The following PHF23 variants were observed in gnomAD, a reference collection of about 807,000 sequenced individuals.
The protein encoded by PHF23 is PDH-containing protein JUNE-1.
A neutral mutation model predicts 36.0 loss-of-function variants in PHF23; 3 were observed. That is an observed-to-expected ratio of 0.08 (90% CI 0.04 to 0.22). The LOEUF is 0.22. Among genes scored for constraint, PHF23 ranks in the 10% least tolerant of loss-of-function variants. The pLI is 1.00. For synonymous variants in PHF23, 242 were observed against 192.5 expected (o/e 1.26, Z -2.13); for missense variants, 475 against 513.6 (o/e 0.92, Z 0.73).
rs559742158 is a variant in PHF23, at chr17:7,238,739, G to A, written c.34+507C>T. On this transcript the variant is annotated intron_variant, in intron 1 of 4. Coordinates refer to ENST00000320316, the MANE Select transcript of PHF23 (RefSeq NM_024297.3). ...ACCCCCCGGTACAGGTCCGTCTGCC[G>A]TAGACAATACCCAGACCCCCTCTTC... is the stretch of plus-strand genomic sequence containing the variant. The A allele has an allele frequency of 2.6e-5, 39 of 1,514,496 alleles. No individual in the cohort carries two copies. In the African/African-American group the frequency reaches 4.6e-4, roughly 18 times the overall value. The allele number at this position is 1,514,496 out of a possible 1,614,324, so 93.8% of individuals were successfully genotyped here.
At position 7,238,781 on chromosome 17, in the gene PHF23, C is replaced by T. The variant is rs760062005; in HGVS notation, c.34+465G>A. ...CCCCTCTTCTCCCCACAACTACCTG[C>T]CCACCTCTCCGACAATCACCGGGCA... is the stretch of plus-strand genomic sequence containing the variant. On this transcript the variant is annotated intron_variant, in intron 1 of 4. Transcript: ENST00000320316. The T allele has an allele frequency of 2.0e-6, 3 of 1,534,634 alleles. No individual in the cohort carries two copies. In the African/African-American group the frequency reaches 4.1e-5, roughly 21 times the overall value.
Position 7,236,136 on chromosome 17 carries a change from G to C in PHF23, c.791C>G (p.Thr264Arg). 3 of 1,610,852 alleles carry C rather than the reference G, an allele frequency of 1.9e-6. No individual in the cohort carries two copies. Among genetic ancestry groups the C allele is most frequent in the East Asian group, 2.2e-5 (1 of 44,862 alleles). ...EEEEEEEEMA[T>R]VVGGEAPVPV... ...GACTGGGGCTTCACCCCCTACCACT[G>C]TTGCCATCTCTTCTTCTTCTTCCTC... The change falls in exon 4 of 5, where the codon ACA (threonine) becomes AGA (arginine). Residue 264 changes from threonine (T) to arginine (R), a missense_variant. Around this residue, in one of 5 missense-constraint regions of PHF23, gnomAD observed 350 missense variants for 319.8 expected, o/e 1.09. Transcript: ENST00000320316. This position sits in a 1 kb window ranked among gnomAD's most constrained non-coding sequence, Gnocchi z 5.1.
upstream of PHF23, chr17:7,239,476 C>G (rs2071749398): frequency 2.1e-6 from 1 of 473,708 alleles, no homozygotes. Context: ...GGGCCCCCTC[C>G]CCCCGCGCCG....
Position 7,236,545 on chromosome 17 carries a change from G to A in PHF23, c.382C>T (p.Leu128Phe), listed in dbSNP as rs2071674252. The change falls in exon 4 of 5, where the codon CTT (leucine) becomes TTT (phenylalanine). Residue 128 changes from leucine (L) to phenylalanine (F), a missense_variant. Transcript: ENST00000320316. The surrounding 1 kb of genome is among the most constrained non-coding windows in gnomAD (Gnocchi z 5.1). The part of the protein sequence containing the change: ...RLQAPDSATL[L>F]EKMKLKDSLF... The stretch of plus-strand genomic sequence containing the variant: ...GAGTCCTTGAGCTTCATCTTCTCAA[G>A]CAAGGTAGCACTGTCGGGGGCCTGC... 1 of 1,614,182 alleles carries A rather than the reference G, an allele frequency of 6.2e-7. No individual in the cohort carries two copies. Among genetic ancestry groups the A allele is most frequent in the Non-Finnish European group, 8.5e-7 (1 of 1,180,034 alleles).
In PHF23 at chr17:7,235,651, C is replaced by A; in HGVS notation, c.1187G>T (p.Gly396Val). The A allele has an allele frequency of 6.2e-7, 1 of 1,613,862 alleles. No homozygotes were observed. The highest frequency in any genetic ancestry group is 1.1e-5 in the South Asian group (1 of 91,068). Reference protein sequence around the residue: ...ELRPEARRLGGPPKSGEP With the variant: ...ELRPEARRLGVPPKSGEP ...TCAGGGCTCTCCAGATTTGGGAGGC[C>A]CCCCTAACCGCCGGGCCTCTGGCCT... Residue 396 changes from glycine to valine, a missense_variant, in exon 5 of 5, where the codon GGG (glycine) becomes GTG (valine). By Grantham distance (109) the Gly-to-Val change is moderately radical (BLOSUM62 -3). Coordinates refer to ENST00000320316, the MANE Select transcript of PHF23 (RefSeq NM_024297.3).
intron 3 of PHF23, 105 bp downstream of exon 3, chr17:7,237,280 A>C: frequency 9.6e-7 from 1 of 1,045,664 alleles, no homozygotes. Flanking sequence ...CTTACATATA[A>C]TTTCTAAGGG....
upstream of PHF23, chr17:7,239,488 C>A (rs2071749746): frequency 2.1e-6 from 1 of 479,452 alleles, no homozygotes; most frequent in Non-Finnish European, 3.8e-6. Flanking sequence ...CCCGCGCCGC[C>A]GGCCGCCTGC....
At position 7,235,673 on chromosome 17, in the gene PHF23, G is replaced by A. The variant is rs2071642620; in HGVS notation, c.1165C>T (p.Pro389Ser). ...GGCCCCCCTAACCGCCGGGCCTCTG[G>A]CCTCAGTTCCTTGCATTTCTGGCAA... The part of the protein sequence containing the change: ...FYCQKCKELR[P>S]EARRLGGPPK... The change falls in exon 5 of 5, where the codon CCA (proline) becomes TCA (serine). Residue 389 changes from proline to serine, a missense_variant. Pro to Ser is a moderately conservative substitution (Grantham distance 74). Transcript: ENST00000320316. 6.2e-7 allele frequency: 1 copy of A among 1,614,146 alleles called. No individual in the cohort carries two copies. Among genetic ancestry groups the A allele is most frequent in the South Asian group, 1.1e-5 (1 of 91,080 alleles).
rs769592462 is a variant in PHF23 at position 7,235,857 on chromosome 17, T to C, written c.998-17A>G. ...AGTCATCACCTGGGGAAAAAAAGGT[T>C]TGTTTGGTATTCTGCCTGAGCTGTT... On this transcript the variant is annotated splice_polypyrimidine_tract_variant and intron_variant, in intron 4 of 4. Transcript: ENST00000320316. The C allele has an allele frequency of 6.2e-7, 1 of 1,613,826 alleles. No individual in the cohort carries two copies. Among genetic ancestry groups the C allele is most frequent in the East Asian group, 2.2e-5 (1 of 44,886 alleles).
In PHF23 at chr17:7,235,483, C is replaced by T. The variant is rs1352208363; in HGVS notation, c.*143G>A. 3.6e-6 allele frequency: 3 copies of T among 832,324 alleles called. No homozygotes were observed. The highest frequency in any genetic ancestry group is 5.8e-6 in the Non-Finnish European group (3 of 521,296). 51.6% of individuals were successfully genotyped at this position (832,324 alleles called of 1,614,324 possible). A position where few individuals can be genotyped will look rare whatever the true frequency, so the allele number is the denominator to read the frequency against. The stretch of plus-strand genomic sequence containing the variant: ...AAGGATAGGGTGGGAAAGTGAGACA[C>T]TCATTTTCAAACAAGTCTCCCTTGA... On this transcript the variant is annotated 3_prime_UTR_variant, in exon 5 of 5. Coordinates refer to ENST00000320316, the MANE Select transcript of PHF23 (RefSeq NM_024297.3).
In PHF23 at chr17:7,239,318, C is replaced by A; in HGVS notation, c.-39G>T. On this transcript the variant is annotated 5_prime_UTR_variant, in exon 1 of 5. Transcript: ENST00000320316. The stretch of plus-strand genomic sequence containing the variant: ...CCTCCCGGTCCGGCGCCCCCCTCCC[C>A]GGAGCCGGGGATCCCGGTGCCGCCT... 8.9e-7 allele frequency: 1 copy of A among 1,128,198 alleles called. No homozygotes were observed. The highest frequency in any genetic ancestry group is 1.3e-6 in the Non-Finnish European group (1 of 761,830). The allele number at this position is 1,128,198 out of a possible 1,614,324, so 69.9% of individuals were successfully genotyped here.
chr17:7,240,107 G>A (rs931585714), upstream of PHF23: 1 of 152,114 alleles, frequency 6.6e-6, no homozygotes. Flanking sequence ...AGGTACTTCG[G>A]AACTTTCTCC....
Position 7,239,446 on chromosome 17 carries a change from G to A in PHF23, c.-167C>T, listed in dbSNP as rs1027484292. ...GCTGCCGCCACCTCCCTCTACCACT[G>A]CCTCCCGCACTCCCGGACCGGGCCC... On this transcript the variant is annotated 5_prime_UTR_variant, in exon 1 of 5. Transcript: ENST00000320316. The A allele has an allele frequency of 2.4e-5, 10 of 416,580 alleles. 1 individual carries two copies. The highest frequency in any genetic ancestry group is 1.3e-4 in the African/African-American group (6 of 46,856). 25.8% of individuals were successfully genotyped at this position (416,580 alleles called of 1,614,324 possible).
Position 7,236,503 on chromosome 17 carries a change from C to T in PHF23, c.424G>A (p.Gly142Arg). 2 of 1,613,980 alleles carry T rather than the reference C, an allele frequency of 1.2e-6. No homozygotes were observed. Among genetic ancestry groups the T allele is most frequent in the East Asian group, 2.2e-5 (1 of 44,884 alleles). The change falls in exon 4 of 5, where the codon GGG (glycine) becomes AGG (arginine). Residue 142 changes from glycine (G) to arginine (R), a missense_variant. Physicochemically the swap from Gly to Arg is moderately radical, Grantham distance 125. This residue lies in a region of PHF23 where 350 missense variants were observed against 319.8 expected (regional missense o/e 1.09). Transcript: ENST00000320316. This position sits in a 1 kb window ranked among gnomAD's most constrained non-coding sequence, Gnocchi z 5.1. ...GACAAAGGAGATGCCACTTTGGGCC[C>T]ATCCAGATCAAAGAGAGAGTCCTTG... is the stretch of plus-strand genomic sequence containing the variant. ...KLKDSLFDLD[G>R]PKVASPLSPT... is the part of the protein sequence containing the mutation.
chr17:7,239,132 C>A, intron 1 of PHF23, 114 bp downstream of exon 1: 1 of 1,021,750 alleles, frequency 9.8e-7, no homozygotes, highest in South Asian at 1.5e-5. Context: ...GCCAGCCTCC[C>A]GACCCCCTCC....
In PHF23 at chr17:7,236,750, G is replaced by A. The variant is rs929552302; in HGVS notation, c.177C>T (p.Ala59=). Residue 59 remains alanine, a synonymous_variant, in exon 4 of 5, where the codon GCC becomes GCT. Coordinates refer to ENST00000320316, the MANE Select transcript of PHF23 (RefSeq NM_024297.3). The surrounding 1 kb of genome is among the most constrained non-coding windows in gnomAD (Gnocchi z 5.1). ...CTCGCAATGGAGAGCTGGAGCCAGA[G>A]GCTGGCCAGTCACTTTCCTTAAAAG... is the stretch of plus-strand genomic sequence containing the variant. ...PPSKEESDWP[A]SGSSSPLRGE... is the part of the protein sequence containing the mutation. 29 of 1,611,824 alleles carry A rather than the reference G, an allele frequency of 1.8e-5. No homozygotes were observed. Among genetic ancestry groups the A allele is most frequent in the Non-Finnish European group, 2.4e-5 (28 of 1,178,958 alleles).
chr17:7,237,702 T>C lies in PHF23; in HGVS notation c.35-42A>G, dbSNP rs200428503. ...AGCTGAGTCAAGACACTAGGAACAA[T>C]CTGTGTAAAACTCCCCCTCTAAACC... On this transcript the variant is annotated intron_variant, in intron 1 of 4. Transcript: ENST00000320316. 2.0e-5 allele frequency: 33 copies of C among 1,609,762 alleles called. No homozygotes were observed. In the East Asian group the frequency reaches 6.9e-4, roughly 34 times the overall value.
intron 1 of PHF23, chr17:7,238,510 C>G: frequency 1.1e-6 from 1 of 935,286 alleles, no homozygotes; most frequent in Non-Finnish European, 1.3e-6. Flanking sequence ...CCCAACCAGC[C>G]ACTCTCTCTC....
intron 1 of PHF23, chr17:7,239,018 C>T: frequency 1.4e-6 from 2 of 1,436,178 alleles, no homozygotes; most frequent in Non-Finnish European, 9.2e-7. Context: ...TTTCAAGCTC[C>T]TATCCCCCGC....
Sources: gnomAD v4.1 joint callset for allele counts on GRCh38, gnomAD v4.1.1 for gene constraint, gnomAD v4.1.1 regional missense constraint, Gnocchi (gnomAD v3.1) non-coding constraint, MANE v1.5 for transcripts, NCBI Gene and HGNC (gene_info 2026-07-23, HGNC 2026-07-21) for gene names.